Variants in MFHAS1 observed in about 807,000 individuals in gnomAD.
MFHAS1 encodes the protein malignant fibrous histiocytoma-amplified sequence 1.
Under a neutral mutation model 70.4 loss-of-function variants are expected in MFHAS1, and 50 were observed. That is an observed-to-expected ratio of 0.71 (90% CI 0.57 to 0.90). MFHAS1 has a LOEUF of 0.90. Among genes scored for constraint, MFHAS1 ranks in the 40% least tolerant of loss-of-function variants. MFHAS1 has a pLI of 0.00. For missense variants in MFHAS1, 1,795 were observed against 1,347.6 expected, an observed-to-expected ratio of 1.33 and a Z score of -5.20; for synonymous variants, 952 against 620.0, an observed-to-expected ratio of 1.54 and a Z score of -7.96.
Position 8,838,789 on chromosome 8 carries a change from G to C in MFHAS1, c.2999-41298C>G, listed in dbSNP as rs1174762237. Among the ~76,000 whole-genome samples, 4 of 143,832 alleles carry C rather than the reference G, an allele frequency of 2.8e-5. No homozygotes were observed. In the Admixed American group the frequency reaches 2.9e-4, roughly 11 times the overall value. The allele number at this position is 143,832 out of a possible 152,430, so 94.4% of individuals were successfully genotyped here. ...ACTGCACCACTGCACTCCAGACTGA[G>C]CAACAGGGCGAGACCCTGCCTCAAA... On this transcript the variant is annotated intron_variant, in intron 1 of 2. Coordinates refer to ENST00000276282, the MANE Select transcript of MFHAS1 (RefSeq NM_004225.3).
At chr8:8,804,607 G>C (rs1806224267) in intron 1 of MFHAS1, among the ~76,000 whole-genome samples, 1 of 152,152 alleles carries the variant, frequency 6.6e-6, no homozygotes, top group Non-Finnish European at 1.5e-5. Context: ...CTGGTCACTA[G>C]GCAACACTAA....
chr8:8,812,398 T>C (rs1222863961), intron 1 of MFHAS1, among the ~76,000 whole-genome samples: 2 of 152,300 alleles, frequency 1.3e-5, no homozygotes, highest in African/African-American at 2.4e-5. Flanking sequence ...GGCACATCTC[T>C]GGAGATCTTT....
intron 1 of MFHAS1, among the ~76,000 whole-genome samples, chr8:8,848,601 C>T (rs780129917): frequency 4.9e-5 from 7 of 143,844 alleles, no homozygotes; most frequent in Admixed American, 7.5e-5. Flanking sequence ...TTACTACTAA[C>T]GGAGCTGGGC....
intron 1 of MFHAS1, among the ~76,000 whole-genome samples, chr8:8,837,676 T>C (rs1182098410): frequency 2.0e-5 from 3 of 149,896 alleles, no homozygotes; most frequent in Non-Finnish European, 4.4e-5. Flanking sequence ...AAGAAGATGC[T>C]CAACACCACT....
At chr8:8,795,872 C>G (rs1805874782) in intron 2 of MFHAS1, among the ~76,000 whole-genome samples, 1 of 152,186 alleles carries the variant, frequency 6.6e-6, no homozygotes, top group Non-Finnish European at 1.5e-5. Flanking sequence ...TAGATTCATA[C>G]ATAATTTTTT....
chr8:8,824,344 C>G (rs1392881325), intron 1 of MFHAS1, among the ~76,000 whole-genome samples: 3 of 151,918 alleles, frequency 2.0e-5, no homozygotes, highest in Non-Finnish European at 2.9e-5. Context: ...CACAGGGTAC[C>G]CCGGAGTCCT....
chr8:8,852,116 T>A (rs1808268709), intron 1 of MFHAS1, among the ~76,000 whole-genome samples: 1 of 152,026 alleles, frequency 6.6e-6, no homozygotes. Flanking sequence ...AGATATTCTG[T>A]CCTCCAGAGA....
Position 8,786,110 on chromosome 8 carries a change from G to T in MFHAS1, c.3126-55C>A, listed in dbSNP as rs1805533664. ...AGATGACAAAAACGTACTGGACAAT[G>T]CTACCCTCAATAAGAAAAGGAAGTG... is the stretch of plus-strand genomic sequence containing the variant. On this transcript the variant is annotated intron_variant, in intron 2 of 2. Coordinates refer to ENST00000276282, the MANE Select transcript of MFHAS1 (RefSeq NM_004225.3). 8 of 1,459,472 alleles carry T rather than the reference G, an allele frequency of 5.5e-6. No individual in the cohort carries two copies. In the South Asian group the frequency reaches 8.0e-5, roughly 15 times the overall value. 90.4% of individuals were successfully genotyped at this position (1,459,472 alleles called of 1,614,324 possible).
At chr8:8,851,442 T>C (rs1344980233) in intron 1 of MFHAS1, among the ~76,000 whole-genome samples, 1 of 152,140 alleles carries the variant, frequency 6.6e-6, no homozygotes, top group Non-Finnish European at 1.5e-5. Context: ...GAAATACTCT[T>C]AAAAGTGAGG....
intron 1 of MFHAS1, among the ~76,000 whole-genome samples, chr8:8,875,312 A>T (rs990750597): frequency 6.6e-6 from 1 of 152,238 alleles, no homozygotes; most frequent in African/African-American, 2.4e-5. Flanking sequence ...ATGGTTGGAT[A>T]AACAAAAAGA....
At chr8:8,795,253 C>T (rs1805852664) in intron 2 of MFHAS1, among the ~76,000 whole-genome samples, 1 of 152,016 alleles carries the variant, frequency 6.6e-6, no homozygotes, top group Non-Finnish European at 1.5e-5. Context: ...TCCCCTTATC[C>T]ATCCTCACCC....
intron 1 of MFHAS1, among the ~76,000 whole-genome samples, chr8:8,831,061 G>T (rs1018557892): frequency 6.6e-6 from 1 of 152,006 alleles, no homozygotes; most frequent in Non-Finnish European, 1.5e-5. Flanking sequence ...TGCCTGCATG[G>T]TTGGTGTCTG....
intron 1 of MFHAS1, among the ~76,000 whole-genome samples, chr8:8,877,467 T>C (rs923879296): frequency 6.6e-6 from 1 of 152,184 alleles, no homozygotes; most frequent in Non-Finnish European, 1.5e-5. Context: ...AATTTGCCTT[T>C]ATTGCAGGGT....
At chr8:8,807,611 C>T (rs948783840) in intron 1 of MFHAS1, among the ~76,000 whole-genome samples, 5 of 152,164 alleles carry the variant, frequency 3.3e-5, no homozygotes, top group Non-Finnish European at 7.3e-5. Context: ...GGAAAGTTTT[C>T]CCTGTACCCC....
At position 8,893,065 on chromosome 8, in the gene MFHAS1, G is replaced by A; in HGVS notation, c.-7C>T. On this transcript the variant is annotated 5_prime_UTR_variant, in exon 1 of 3. Coordinates refer to ENST00000276282, the MANE Select transcript of MFHAS1 (RefSeq NM_004225.3). ...CACTGTCCATCCCAGCCATGGCGGG[G>A]CCCCGGGCCGACAGCCTCACGCGGA... The A allele has an allele frequency of 2.7e-6, 4 of 1,477,466 alleles. No homozygotes were observed. The highest frequency in any genetic ancestry group is 2.5e-5 in the Admixed American group (1 of 40,202). 91.5% of individuals were successfully genotyped at this position (1,477,466 alleles called of 1,614,324 possible).
At chr8:8,820,072 TC>T (rs1563188587) in intron 1 of MFHAS1, among the ~76,000 whole-genome samples, 1 of 152,144 alleles carries the variant, frequency 6.6e-6, no homozygotes, top group African/African-American at 2.4e-5. Context: ...TTCTGATTTT[TC>T]CCCCAGAACA....
rs1477337631 is a variant in MFHAS1, at chr8:8,785,372, T to C, written c.*650A>G. On this transcript the variant is annotated 3_prime_UTR_variant, in exon 3 of 3. Coordinates refer to ENST00000276282, the MANE Select transcript of MFHAS1 (RefSeq NM_004225.3). ...TCTCTATGAACCAACACTTAATCCA[T>C]GGGCTAACAGAGAGATTTTTTTTTT... 1.8e-5 allele frequency: 2 copies of C among 111,740 alleles called. No homozygotes were observed. Among genetic ancestry groups the C allele is most frequent in the East Asian group, 5.8e-4 (2 of 3,454 alleles). The allele number at this position is 111,740 out of a possible 1,614,324, so 6.9% of individuals were successfully genotyped here. A position where few individuals can be genotyped will look rare whatever the true frequency, so the allele number is the denominator to read the frequency against.
chr8:8,796,982 C>CGAGA (rs1268778385), intron 2 of MFHAS1, among the ~76,000 whole-genome samples: 2 of 151,974 alleles, frequency 1.3e-5, no homozygotes, highest in African/African-American at 4.8e-5. Flanking sequence ...GGTGACAGAG[C>CGAGA]GAGACTCCAT....
chr8:8,862,797 T>C (rs979890195), intron 1 of MFHAS1, among the ~76,000 whole-genome samples: 2 of 152,170 alleles, frequency 1.3e-5, no homozygotes, highest in Non-Finnish European at 2.9e-5. Context: ...ATGCTACTAA[T>C]GGAGGAGGCT....
Sources: allele counts gnomAD v4.1 joint callset (sites outside exome capture counted in the v4.1 genomes callset), GRCh38; gene constraint gnomAD v4.1.1; transcripts MANE v1.5; gene names NCBI Gene and HGNC (gene_info 2026-07-23, HGNC 2026-07-21).